Variants in SUMF1 observed in about 807,000 individuals in gnomAD.
The protein encoded by SUMF1 is sulfatase modifying factor 1.
A neutral mutation model predicts 47.6 loss-of-function variants in SUMF1; 48 were observed. The ratio of observed to expected loss-of-function variants is 1.01; its 90% confidence interval spans 0.80 to 1.28. The LOEUF (loss-of-function observed/expected upper bound fraction) is 1.28, where lower values mean the gene tolerates loss of function less well. Among genes scored for constraint, SUMF1 ranks in the 50% most tolerant of loss-of-function variants. SUMF1 has a pLI of 0.00. For missense variants in SUMF1, 571 were observed against 485.4 expected (o/e 1.18, Z -1.66); for synonymous variants, 230 against 192.1 (o/e 1.20, Z -1.63).
At chr3:4,077,202 TTGG>T (rs1692458133) in intron 8 of SUMF1, among the ~76,000 whole-genome samples, 1 of 152,106 alleles carries the variant, frequency 6.6e-6, no homozygotes, top group Non-Finnish European at 1.5e-5. Context: ...TTTTACACTG[TTGG>T]TGGGAGTGTA....
intron 7 of SUMF1, among the ~76,000 whole-genome samples, chr3:4,394,914 A>G (rs1398946313): frequency 1.3e-5 from 2 of 152,190 alleles, no homozygotes; most frequent in Non-Finnish European, 2.9e-5. Flanking sequence ...TCCTAAAAGA[A>G]GCCTCTTTCA....
intron 8 of SUMF1, among the ~76,000 whole-genome samples, chr3:4,130,014 C>T (rs1488687873): frequency 6.6e-6 from 1 of 152,098 alleles, no homozygotes; most frequent in African/African-American, 2.4e-5. Flanking sequence ...GCTGCCCCTA[C>T]CTAGAAAAAT....
At chr3:4,305,030 G>T (rs369558715) in intron 8 of SUMF1, among the ~76,000 whole-genome samples, 3 of 152,234 alleles carry the variant, frequency 2.0e-5, no homozygotes, top group East Asian at 3.9e-4. Flanking sequence ...AATTTTTCTG[G>T]TTAACAATTG....
intron 8 of SUMF1, among the ~76,000 whole-genome samples, chr3:4,343,797 C>A (rs1036020526): frequency 3.3e-5 from 5 of 152,112 alleles, no homozygotes; most frequent in African/African-American, 1.2e-4. Flanking sequence ...CAGCTAGACT[C>A]CCAGGAATTT....
chr3:4,290,384 A>C lies in SUMF1; in HGVS notation c.1014+85946T>G, dbSNP rs182474546. 8.1e-4 allele frequency among the ~76,000 whole-genome samples: 123 copies of C among 152,342 alleles called. 2 individuals are homozygous for C. The East Asian group carries it at 0.016, about 20-fold the overall frequency. ...TTAACTCTTTCCTCATTTTCAACAG[A>C]GTAAAAACTTCTTGTCCAGTTTATG... On this transcript the variant is annotated intron_variant and NMD_transcript_variant, in intron 8 of 12. Transcript: ENST00000448413.
At chr3:4,340,491 T>C (rs1699249606) in intron 8 of SUMF1, among the ~76,000 whole-genome samples, 1 of 152,186 alleles carries the variant, frequency 6.6e-6, no homozygotes, top group South Asian at 2.1e-4. Flanking sequence ...TAGGGTCACA[T>C]GTATATTTCA....
intron 8 of SUMF1, among the ~76,000 whole-genome samples, chr3:4,159,379 A>C (rs1694524472): frequency 6.6e-6 from 1 of 151,074 alleles, no homozygotes; most frequent in Non-Finnish European, 1.5e-5. Flanking sequence ...ACTGAGGACA[A>C]CTTAACACTG....
At chr3:4,114,668 G>T (rs1038607352) in intron 8 of SUMF1, among the ~76,000 whole-genome samples, 1 of 152,066 alleles carries the variant, frequency 6.6e-6, no homozygotes, top group African/African-American at 2.4e-5. Context: ...GTAAGGAGAG[G>T]CTAAACTGGA....
intron 8 of SUMF1, among the ~76,000 whole-genome samples, chr3:4,320,166 C>G (rs976847073): frequency 2.0e-5 from 3 of 152,052 alleles, no homozygotes; most frequent in Non-Finnish European, 2.9e-5. Flanking sequence ...TTTAAGAAGT[C>G]AGGGAATCAC....
At chr3:4,084,293 T>C (rs901930175) in intron 8 of SUMF1, among the ~76,000 whole-genome samples, 1 of 152,106 alleles carries the variant, frequency 6.6e-6, no homozygotes, top group African/African-American at 2.4e-5. Flanking sequence ...ACCCAATAGA[T>C]TGACTATACA....
At chr3:4,103,789 A>G (rs908541627) in intron 8 of SUMF1, among the ~76,000 whole-genome samples, 1 of 152,142 alleles carries the variant, frequency 6.6e-6, no homozygotes, top group African/African-American at 2.4e-5. Context: ...AGAAAACTGA[A>G]CAGAGGCCAA....
rs182192519 is a variant in SUMF1 at position 4,212,417 on chromosome 3, A to G, written c.1015-143672T>C. ...AAGACCCTATCCGACGGTCACCAAC[A>G]TCAAAGACCAAAGGTAGATAAATCT... On this transcript the variant is annotated intron_variant and NMD_transcript_variant, in intron 8 of 12. Coordinates refer to the SUMF1 transcript ENST00000448413. Among the ~76,000 whole-genome samples the G allele has an allele frequency of 1.9e-3, 295 of 152,256 alleles. No homozygotes were observed. In the Middle Eastern group the frequency reaches 0.024, roughly 12 times the overall value.
chr3:4,159,293 T>A (rs1445412863), intron 8 of SUMF1, among the ~76,000 whole-genome samples: 3 of 150,434 alleles, frequency 2.0e-5, no homozygotes, highest in African/African-American at 7.4e-5. Context: ...TTATTTTTTG[T>A]GCATCCATTG....
At chr3:4,257,835 A>G (rs62259762) in intron 8 of SUMF1, among the ~76,000 whole-genome samples, 59,450 of 149,818 alleles carry the variant, frequency 0.4, 12,223 homozygotes, top group Non-Finnish European at 0.44. Context: ...CAAAGCTGGA[A>G]GCATCACGCT....
intron 8 of SUMF1, among the ~76,000 whole-genome samples, chr3:4,195,295 A>T (rs751109327): frequency 2.0e-5 from 3 of 152,152 alleles, no homozygotes; most frequent in Non-Finnish European, 4.4e-5. Context: ...CCATATAAGT[A>T]TCAGTAGCTA....
At chr3:4,103,230 T>G (rs1170976347) in intron 8 of SUMF1, among the ~76,000 whole-genome samples, 1 of 146,614 alleles carries the variant, frequency 6.8e-6, no homozygotes, top group East Asian at 2.0e-4. Flanking sequence ...GCCAACACTT[T>G]TAAGCATAAA....
intron 8 of SUMF1, among the ~76,000 whole-genome samples, chr3:4,078,544 G>A (rs1692489664): frequency 6.6e-6 from 1 of 151,678 alleles, no homozygotes; most frequent in South Asian, 2.1e-4. Flanking sequence ...TTTATATGGT[G>A]CTAATTATAT....
At chr3:4,439,382 G>A (rs752267887) in intron 3 of SUMF1, among the ~76,000 whole-genome samples, 98 of 152,066 alleles carry the variant, frequency 6.4e-4, no homozygotes, top group Non-Finnish European at 5.9e-4. Context: ...AAAATTAGCC[G>A]GGTGTGGTGG....
chr3:4,375,939 A>G (rs1700313196), intron 8 of SUMF1, among the ~76,000 whole-genome samples: 1 of 152,182 alleles, frequency 6.6e-6, no homozygotes, highest in Non-Finnish European at 1.5e-5. Flanking sequence ...TGCCCTCCAT[A>G]CATAACTCTC....
Sources: allele counts gnomAD v4.1 joint callset (sites outside exome capture counted in the v4.1 genomes callset), GRCh38; gene constraint gnomAD v4.1.1; transcripts MANE v1.5; gene names NCBI Gene and HGNC (gene_info 2026-07-23, HGNC 2026-07-21).